The following TMEM140 variants were observed in gnomAD, a reference collection of about 807,000 sequenced individuals.
TMEM140 encodes the protein transmembrane protein 140.
For synonymous variants in TMEM140, 107 were observed against 106.8 expected, an observed-to-expected ratio of 1.00 and a Z score of -0.01; for missense variants, 236 against 228.5, an observed-to-expected ratio of 1.03 and a Z score of -0.21.
chr7:135,164,923 T>C lies in TMEM140; in HGVS notation c.482T>C (p.Leu161Pro). Residue 161 changes from leucine (L) to proline (P), a missense_variant, in exon 2 of 2, where the codon CTC becomes CCC. Coordinates refer to ENST00000275767, the MANE Select transcript of TMEM140 (RefSeq NM_018295.5). ...FLALGSAQAL[L>P]ILLLIAMAVF... ...GCTCTGGGCAGCGCCCAGGCCTTACTCATCCTCTTGCTTATAGCCATGGCT... is the reference window on the plus strand; with the variant it reads ...GCTCTGGGCAGCGCCCAGGCCTTACCCATCCTCTTGCTTATAGCCATGGCT... The C allele has an allele frequency of 6.2e-7, 1 of 1,614,118 alleles. No homozygotes were observed. The highest frequency in any genetic ancestry group is 1.1e-5 in the South Asian group (1 of 91,074).
In TMEM140 at chr7:135,166,081, G is replaced by A. The variant is rs1830111674; in HGVS notation, c.*1082G>A. On this transcript the variant is annotated 3_prime_UTR_variant, in exon 2 of 2. Transcript: ENST00000275767. ...CCTCCCAGACAGGGCAGAGAACTGT[G>A]GGCAGCTCGTTTGCTTTCTAGGCTG... 6.6e-6 allele frequency: 1 copy of A among 152,604 alleles called. No individual in the cohort carries two copies. The highest frequency in any genetic ancestry group is 2.4e-5 in the African/African-American group (1 of 41,456). 9.5% of individuals were successfully genotyped at this position (152,604 alleles called of 1,614,324 possible).
chr7:135,148,209 CA>C lies in TMEM140; in HGVS notation c.-84del, dbSNP rs1224099552. 2.3e-6 allele frequency: 1 copy of C among 426,348 alleles called. No individual in the cohort carries two copies. Among genetic ancestry groups the C allele is most frequent in the Non-Finnish European group, 4.6e-6 (1 of 215,776 alleles). 26.4% of individuals were successfully genotyped at this position (426,348 alleles called of 1,614,324 possible). A position where few individuals can be genotyped will look rare whatever the true frequency, so the allele number is the denominator to read the frequency against. ...CAGCGAGAAGGAAGATTCAAACAAC[CA>C]ACCCTGATTTCCTGCTTCTCCTTTT... On this transcript the variant is annotated 5_prime_UTR_variant, in exon 1 of 2. Transcript: ENST00000275767.
chr7:135,164,291 T>C (rs1411816597), intron 1 of TMEM140, 127 bp from the exon 2 acceptor site: 1 of 717,254 alleles, frequency 1.4e-6, no homozygotes, highest in Non-Finnish European at 2.3e-6. Context: ...TGGTCCTTGG[T>C]GGAGGGCAGG....
Position 135,164,891 on chromosome 7 carries a change from G to C in TMEM140, c.450G>C (p.Gly150=). The change falls in exon 2 of 2, where the codon GGG becomes GGC. Residue 150 remains glycine (G), a synonymous_variant. Transcript: ENST00000275767. ...KWVRLSLPGP[G]FLALGSAQAL... Reference sequence around the variant, plus strand: ...TCAGGCTCTCCCTCCCGGGGCCTGGGTTTCTAGCTCTGGGCAGCGCCCAGG... The same window carrying C: ...TCAGGCTCTCCCTCCCGGGGCCTGGCTTTCTAGCTCTGGGCAGCGCCCAGG... 6.2e-7 allele frequency: 1 copy of C among 1,614,250 alleles called. No homozygotes were observed.
Position 135,164,409 on chromosome 7 carries a change from T to C in TMEM140, c.-24-9T>C. On this transcript the variant is annotated splice_polypyrimidine_tract_variant and intron_variant, in intron 1 of 1. Transcript: ENST00000275767. The stretch of plus-strand genomic sequence containing the variant: ...GAGAGATGGACTGACTGCTGTGACT[T>C]CCCCGCAGGTCCCCCGGCAGAGGGC... 6.4e-7 allele frequency: 1 copy of C among 1,574,708 alleles called. No individual in the cohort carries two copies. Among genetic ancestry groups the C allele is most frequent in the Non-Finnish European group, 8.7e-7 (1 of 1,151,278 alleles).
At chr7:135,155,218 A>G (rs1485563295) in intron 1 of TMEM140, among the ~76,000 whole-genome samples, 1 of 152,038 alleles carries the variant, frequency 6.6e-6, no homozygotes, top group Non-Finnish European at 1.5e-5. Flanking sequence ...TTTTCAGTCT[A>G]TATGTCTTTA....
intron 1 of TMEM140, among the ~76,000 whole-genome samples, chr7:135,156,070 C>G (rs749741660): frequency 3.9e-5 from 6 of 152,002 alleles, no homozygotes; most frequent in Non-Finnish European, 8.8e-5. Context: ...AAATGCCATC[C>G]CATTGTTTTC....
chr7:135,155,955 G>A (rs1829781763), intron 1 of TMEM140, among the ~76,000 whole-genome samples: 1 of 152,116 alleles, frequency 6.6e-6, no homozygotes, highest in South Asian at 2.1e-4. Context: ...GCATTTGCTT[G>A]TATGGGAAGG....
chr7:135,164,111 G>A (rs921867035), intron 1 of TMEM140, among the ~76,000 whole-genome samples: 1 of 152,238 alleles, frequency 6.6e-6, no homozygotes, highest in Non-Finnish European at 1.5e-5. Context: ...CCAATGGCTT[G>A]TTGTATTTGG....
At chr7:135,155,335 A>G (rs1217608000) in intron 1 of TMEM140, among the ~76,000 whole-genome samples, 1 of 152,170 alleles carries the variant, frequency 6.6e-6, no homozygotes, top group Non-Finnish European at 1.5e-5. Flanking sequence ...TTCAAGGTTA[A>G]TATGGATCTG....
At chr7:135,150,034 G>T (rs536780276) in intron 1 of TMEM140, among the ~76,000 whole-genome samples, 2 of 152,182 alleles carry the variant, frequency 1.3e-5, no homozygotes, top group Non-Finnish European at 2.9e-5. Flanking sequence ...TTGCTCTTAA[G>T]TTCCAAATTT....
intron 1 of TMEM140, among the ~76,000 whole-genome samples, chr7:135,155,123 T>A (rs1441666288): frequency 6.6e-6 from 1 of 152,240 alleles, no homozygotes; most frequent in Non-Finnish European, 1.5e-5. Flanking sequence ...TAATTTAAAG[T>A]CATCTGTTTT....
Sources: gnomAD v4.1 joint callset for allele counts (sites outside exome capture counted in the v4.1 genomes callset) on GRCh38, gnomAD v4.1.1 for gene constraint, MANE v1.5 for transcripts, NCBI Gene and HGNC (gene_info 2026-07-23, HGNC 2026-07-21) for gene names.